Variants in LPCAT1 observed in about 807,000 individuals in gnomAD.
LPCAT1 encodes the protein lysophosphatidylcholine acyltransferase 1.
A neutral mutation model predicts 60.9 loss-of-function variants in LPCAT1; 23 were observed. That is an observed-to-expected ratio of 0.38 (90% CI 0.27 to 0.53). The LOEUF (loss-of-function observed/expected upper bound fraction) is 0.53. LPCAT1 is among the 20% of genes least tolerant of loss of function. LPCAT1 has a pLI of 0.82. For missense variants in LPCAT1, 622 were observed against 723.6 expected (o/e 0.86, Z 1.61); for synonymous variants, 340 against 301.1 (o/e 1.13, Z -1.34).
intron 9 of LPCAT1, among the ~76,000 whole-genome samples, chr5:1,475,203 C>T (rs139013002): frequency 3.9e-5 from 6 of 152,358 alleles, no homozygotes; most frequent in East Asian, 3.9e-4. Context: ...GATGAGAAAT[C>T]GGTGCCTCTC....
chr5:1,466,152 G>T (rs1734391127), intron 13 of LPCAT1, among the ~76,000 whole-genome samples: 2 of 152,262 alleles, frequency 1.3e-5, no homozygotes, highest in Admixed American at 6.5e-5. Flanking sequence ...CTGCAGGGGA[G>T]GGAGGCGCCC....
At chr5:1,498,679 A>G (rs112164474) in intron 2 of LPCAT1, among the ~76,000 whole-genome samples, 2,510 of 152,268 alleles carry the variant, frequency 0.016, 69 homozygotes, top group African/African-American at 0.055. Context: ...ACACATGTAC[A>G]TACTGTCATA....
At position 1,474,095 on chromosome 5, in the gene LPCAT1, C is replaced by A. The variant is rs1443180709; in HGVS notation, c.1041G>T (p.Lys347Asn). 2 of 1,612,950 alleles carry A rather than the reference C, an allele frequency of 1.2e-6. No homozygotes were observed. The highest frequency in any genetic ancestry group is 1.7e-6 in the Non-Finnish European group (2 of 1,179,624). Residue 347 changes from lysine to asparagine, a missense_variant, in exon 11 of 14, where the codon AAG becomes AAT. Physicochemically the swap from Lys to Asn is moderately conservative, Grantham distance 94. Coordinates refer to ENST00000283415, the MANE Select transcript of LPCAT1 (RefSeq NM_024830.5). ...AGTATCTGTCCAGATCTTTTTCAAG[C>A]TTTTCTGGTTTTAGCCTAGACAAAA... The part of the protein sequence containing the change: ...LVRGLGLKPE[K>N]LEKDLDRYSE...
chr5:1,506,442 C>A (rs997624639), intron 1 of LPCAT1, among the ~76,000 whole-genome samples: 6 of 152,242 alleles, frequency 3.9e-5, no homozygotes, highest in Admixed American at 3.3e-4. Flanking sequence ...TCTCCACAGG[C>A]CCCACCCCTG....
chr5:1,479,495 G>C, intron 8 of LPCAT1, 126 bp downstream of exon 8: 1 of 737,154 alleles, frequency 1.4e-6, no homozygotes, highest in Non-Finnish European at 2.4e-6. Context: ...CTGAGAAACG[G>C]AAAGATGGGA....
At chr5:1,512,120 G>A (rs1023957622) in intron 1 of LPCAT1, among the ~76,000 whole-genome samples, 36 of 152,190 alleles carry the variant, frequency 2.4e-4, no homozygotes, top group Non-Finnish European at 1.0e-4. Context: ...CTGCTCATTC[G>A]CCAGTAAAGT....
At chr5:1,475,782 TTCTCCCTCCCA>T (rs1349240113) in intron 9 of LPCAT1, among the ~76,000 whole-genome samples, 1 of 101,962 alleles carries the variant, frequency 9.8e-6, no homozygotes, top group African/African-American at 3.4e-5. Context: ...CCGAGGCTGC[TTCTCCCTCCCA>T]TCTCCACTCC....
Position 1,463,531 on chromosome 5 carries a change from G to A in LPCAT1, c.*120C>T, listed in dbSNP as rs558924303. The A allele has an allele frequency of 1.6e-3, 1,782 of 1,099,270 alleles. 1 individual carries two copies. Among genetic ancestry groups the A allele is most frequent in the Middle Eastern group, 2.4e-3 (8 of 3,296 alleles). The allele number at this position is 1,099,270 out of a possible 1,614,324, so 68.1% of individuals were successfully genotyped here. On this transcript the variant is annotated 3_prime_UTR_variant, in exon 14 of 14. Coordinates refer to ENST00000283415, the MANE Select transcript of LPCAT1 (RefSeq NM_024830.5). The stretch of plus-strand genomic sequence containing the variant: ...ACAGCCCCCGAGGCCCCTGGAACTC[G>A]GGCTGAAGACAGTGCCTGTACAGCA...
At chr5:1,515,661 A>C (rs563245100) in intron 1 of LPCAT1, among the ~76,000 whole-genome samples, 2 of 144,250 alleles carry the variant, frequency 1.4e-5, no homozygotes, top group South Asian at 4.5e-4. Flanking sequence ...ATCCTGGCCT[A>C]AGTCCCACCC....
intron 3 of LPCAT1, among the ~76,000 whole-genome samples, chr5:1,494,073 G>A (rs760651379): frequency 1.4e-4 from 22 of 152,234 alleles, no homozygotes; most frequent in East Asian, 1.9e-4. Flanking sequence ...CCCAGATGAC[G>A]AGAGGGTGAA....
At position 1,523,062 on chromosome 5, in the gene LPCAT1, G is replaced by T. The variant is rs571123446; in HGVS notation, c.135+648C>A. Among the ~76,000 whole-genome samples, 38 of 152,232 alleles carry T rather than the reference G, an allele frequency of 2.5e-4. No homozygotes were observed. The highest frequency in any genetic ancestry group is 5.0e-4 in the Non-Finnish European group (34 of 68,050). ...CCCCGAGAAAGCATCCCTTACAACA[G>T]GAGCGAAGCATGCACCCCAGAAGGC... On this transcript the variant is annotated intron_variant, in intron 1 of 13. Transcript: ENST00000283415. This position sits in a 1 kb window ranked among gnomAD's most constrained non-coding sequence, Gnocchi z 7.1.
intron 3 of LPCAT1, among the ~76,000 whole-genome samples, chr5:1,492,271 G>C: frequency 6.6e-6 from 1 of 151,590 alleles, no homozygotes; most frequent in East Asian, 2.0e-4. Flanking sequence ...ATGTCTCTGA[G>C]CTGGGGCCTG....
intron 1 of LPCAT1, among the ~76,000 whole-genome samples, chr5:1,503,507 C>T (rs1001528439): frequency 4.6e-5 from 7 of 152,266 alleles, no homozygotes; most frequent in African/African-American, 1.7e-4. Flanking sequence ...ATACTGAAAG[C>T]TAGCTTCAGC....
chr5:1,468,256 C>T (rs1018470968), intron 12 of LPCAT1, among the ~76,000 whole-genome samples: 10 of 152,256 alleles, frequency 6.6e-5, no homozygotes, highest in African/African-American at 2.4e-4. Context: ...CTGCCGCACG[C>T]GGCCACCCTG....
chr5:1,490,780 T>G (rs1246708422), intron 3 of LPCAT1, among the ~76,000 whole-genome samples: 1 of 152,188 alleles, frequency 6.6e-6, no homozygotes, highest in Non-Finnish European at 1.5e-5. Flanking sequence ...CGTGGAAACA[T>G]ACTTCTTAGA....
chr5:1,464,643 GCA>G (rs36081788), intron 13 of LPCAT1, among the ~76,000 whole-genome samples: 37,698 of 146,788 alleles, frequency 0.26, 5,307 homozygotes, highest in South Asian at 0.34. Flanking sequence ...ACACATGCGT[GCA>G]CACACACACA....
intron 1 of LPCAT1, among the ~76,000 whole-genome samples, chr5:1,505,778 C>A (rs1736166816): frequency 6.6e-6 from 1 of 152,258 alleles, no homozygotes; most frequent in Admixed American, 6.5e-5. Context: ...ACCTGACCCT[C>A]ACCTCACACG....
chr5:1,468,907 C>T (rs746921176), intron 12 of LPCAT1, among the ~76,000 whole-genome samples: 1 of 152,228 alleles, frequency 6.6e-6, no homozygotes, highest in Non-Finnish European at 1.5e-5. Flanking sequence ...CGTGGAAGCC[C>T]TTCCTGCTAC....
chr5:1,483,598 C>T lies in LPCAT1; in HGVS notation c.668-112G>A. ...AGTGAGCTTTTCTGTCTAGGCCTTC[C>T]TGGTCAGCAAGGGCACTCCATGCCT... On this transcript the variant is annotated intron_variant, in intron 5 of 13. Coordinates refer to ENST00000283415, the MANE Select transcript of LPCAT1 (RefSeq NM_024830.5). The surrounding 1 kb of genome is among the most constrained non-coding windows in gnomAD (Gnocchi z 9.2). 1 of 1,107,550 alleles carries T rather than the reference C, an allele frequency of 9.0e-7. No individual in the cohort carries two copies. The highest frequency in any genetic ancestry group is 1.3e-6 in the Non-Finnish European group (1 of 746,300). 68.6% of individuals were successfully genotyped at this position (1,107,550 alleles called of 1,614,324 possible).
Sources: gnomAD v4.1 joint callset for allele counts (sites outside exome capture counted in the v4.1 genomes callset) on GRCh38, gnomAD v4.1.1 for gene constraint, Gnocchi (gnomAD v3.1) non-coding constraint, MANE v1.5 for transcripts, NCBI Gene and HGNC (gene_info 2026-07-23, HGNC 2026-07-21) for gene names.